LCMT1: variants seen among roughly 807,000 people sequenced by gnomAD.
LCMT1 encodes [Phosphatase 2A protein]-leucine-carboxy methyltransferase 1.
In LCMT1, 32 loss-of-function variants were observed where a neutral mutation model predicts 47.7. The observed-to-expected ratio is 0.67, with a 90% CI of 0.51 to 0.90. The LOEUF (loss-of-function observed/expected upper bound fraction) is 0.90. Among genes scored for constraint, LCMT1 ranks in the 40% least tolerant of loss-of-function variants. The pLI is 0.00. For synonymous variants in LCMT1, 152 were observed against 149.7 expected, an observed-to-expected ratio of 1.02 and a Z score of -0.11; for missense variants, 375 against 415.2, an observed-to-expected ratio of 0.90 and a Z score of 0.84.
At chr16:25,163,232 G>A (rs868087006) in intron 6 of LCMT1, among the ~76,000 whole-genome samples, 2 of 152,172 alleles carry the variant, frequency 1.3e-5, no homozygotes, top group African/African-American at 4.8e-5. Flanking sequence ...ACTTTGGGAG[G>A]CCAAGATGGG....
At chr16:25,164,852 C>A in intron 7 of LCMT1, 134 bp downstream of exon 7, 1 of 1,190,792 alleles carries the variant, frequency 8.4e-7, no homozygotes, top group Non-Finnish European at 1.2e-6. Context: ...CTTTATTCAC[C>A]AACCAGCAAT....
rs189072726 is a variant in LCMT1 at position 25,170,756 on chromosome 16, G to T, written c.835G>T (p.Val279Phe). ...LSNGWETASA[V>F]DMMELYNRLP... is the part of the protein sequence containing the mutation. ...GAATGGGTGGGAAACAGCATCGGCC[G>T]TCGACATGATGGAGTTGTACAACAG... The change falls in exon 9 of 11, where the codon GTC (valine) becomes TTC (phenylalanine). Residue 279 changes from valine (V) to phenylalanine (F), a missense_variant. By Grantham distance (50) the Val-to-Phe change is conservative. Transcript: ENST00000399069. 77 of 1,613,492 alleles carry T rather than the reference G, an allele frequency of 4.8e-5. No individual in the cohort carries two copies. In the East Asian group the frequency reaches 1.7e-3, roughly 35 times the overall value.
chr16:25,136,383 A>G (rs1171899985), intron 3 of LCMT1, among the ~76,000 whole-genome samples: 1 of 151,982 alleles, frequency 6.6e-6, no homozygotes, highest in Non-Finnish European at 1.5e-5. Context: ...GGAGTGAAAT[A>G]TCAAAAGGGC....
chr16:25,118,812 G>A (rs933956818), intron 1 of LCMT1, among the ~76,000 whole-genome samples: 1 of 152,098 alleles, frequency 6.6e-6, no homozygotes, highest in African/African-American at 2.4e-5. Context: ...GGTGAGGGAT[G>A]GGGATGAGTG....
chr16:25,154,468 T>C (rs1961177333), intron 5 of LCMT1, among the ~76,000 whole-genome samples: 1 of 151,626 alleles, frequency 6.6e-6, no homozygotes, highest in Non-Finnish European at 1.5e-5. Flanking sequence ...ATAGGAACGC[T>C]TCATAACACA....
chr16:25,173,079 C>T (rs747393825), intron 9 of LCMT1, among the ~76,000 whole-genome samples: 1 of 152,174 alleles, frequency 6.6e-6, no homozygotes, highest in Non-Finnish European at 1.5e-5. Context: ...GTGAATGCCA[C>T]GTAGTTTGTA....
chr16:25,125,838 GTAA>G (rs55788453), intron 1 of LCMT1: 17,623 of 154,570 alleles, frequency 0.11, 1,083 homozygotes, highest in Non-Finnish European at 0.14. Flanking sequence ...ATCTCTAATA[GTAA>G]TAATAATAAT....
At chr16:25,167,465 C>T (rs541817302) in intron 7 of LCMT1, among the ~76,000 whole-genome samples, 1 of 151,758 alleles carries the variant, frequency 6.6e-6, no homozygotes, top group Non-Finnish European at 1.5e-5. Flanking sequence ...TGTAGGTGCA[C>T]ACCACCACTC....
At chr16:25,138,311 G>A (rs972101001) in intron 3 of LCMT1, among the ~76,000 whole-genome samples, 11 of 152,166 alleles carry the variant, frequency 7.2e-5, no homozygotes, top group Admixed American at 3.3e-4. Context: ...ACCAGAGGGG[G>A]TGCTGGGACA....
chr16:25,176,572 T>C (rs79505607), intron 10 of LCMT1, among the ~76,000 whole-genome samples: 1 of 129,518 alleles, frequency 7.7e-6, no homozygotes, highest in Non-Finnish European at 1.6e-5. Flanking sequence ...TTTTTTTTTT[T>C]TTTTTTTTGA....
chr16:25,148,697 A>G (rs899385872), intron 4 of LCMT1: 1 of 152,214 alleles, frequency 6.6e-6, no homozygotes, highest in Non-Finnish European at 1.5e-5. Context: ...AGACCAGAGG[A>G]AAACTTACCA....
rs1007374865 is a variant in LCMT1 at position 25,157,312 on chromosome 16, G to A, written c.467-3790G>A. On this transcript the variant is annotated intron_variant, in intron 5 of 10. Transcript: ENST00000399069. ...TAATCCCATTACTCTGGGAGGCAGA[G>A]GCAGGAGGATCCCTTGAGCCCAAGA... is the stretch of plus-strand genomic sequence containing the variant. Among the ~76,000 whole-genome samples, 63 of 152,226 alleles carry A rather than the reference G, an allele frequency of 4.1e-4. 1 individual carries two copies. Among genetic ancestry groups the A allele is most frequent in the Admixed American group, 2.6e-3 (40 of 15,288 alleles).
chr16:25,123,295 G>A (rs1346366048), intron 1 of LCMT1, among the ~76,000 whole-genome samples: 1 of 146,384 alleles, frequency 6.8e-6, no homozygotes, highest in Non-Finnish European at 1.5e-5. Context: ...TGCAATCTTG[G>A]CTCACTGCAA....
intron 10 of LCMT1, among the ~76,000 whole-genome samples, chr16:25,175,622 A>G (rs1347891085): frequency 6.6e-6 from 1 of 152,036 alleles, no homozygotes; most frequent in Non-Finnish European, 1.5e-5. Flanking sequence ...AGAAGAGCGA[A>G]ACCCTGTCTC....
At chr16:25,123,676 T>C (rs11074676) in intron 1 of LCMT1, among the ~76,000 whole-genome samples, 142,848 of 143,704 alleles carry the variant, frequency 0.99, 71,005 homozygotes, top group East Asian at 1. Flanking sequence ...GGCGCAATCT[T>C]GGCTCACCAC....
intron 3 of LCMT1, among the ~76,000 whole-genome samples, chr16:25,137,234 G>T (rs1960529219): frequency 6.6e-6 from 1 of 151,730 alleles, no homozygotes; most frequent in South Asian, 2.1e-4. Context: ...CAGGGTTTCA[G>T]TGTTGGCCAG....
chr16:25,139,153 G>A (rs891677817), intron 3 of LCMT1, among the ~76,000 whole-genome samples: 4 of 152,010 alleles, frequency 2.6e-5, no homozygotes, highest in Non-Finnish European at 5.9e-5. Flanking sequence ...CTTGTGATCC[G>A]CCTGCCTCAG....
At chr16:25,164,300 C>T (rs554621824) in intron 6 of LCMT1, among the ~76,000 whole-genome samples, 3 of 152,232 alleles carry the variant, frequency 2.0e-5, no homozygotes, top group Admixed American at 6.5e-5. Context: ...GTTATGTTGG[C>T]GTGGTGTGAG....
intron 5 of LCMT1, among the ~76,000 whole-genome samples, chr16:25,158,506 G>A: frequency 6.6e-6 from 1 of 152,178 alleles, no homozygotes; most frequent in Non-Finnish European, 1.5e-5. Context: ...TTTCTCTCAC[G>A]AAATAGAATG....
Sources: gnomAD v4.1 joint callset for allele counts (sites outside exome capture counted in the v4.1 genomes callset) on GRCh38, gnomAD v4.1.1 for gene constraint, MANE v1.5 for transcripts, NCBI Gene and HGNC (gene_info 2026-07-23, HGNC 2026-07-21) for gene names.